Variants in KCNG3 observed in about 807,000 individuals in gnomAD.
The protein encoded by KCNG3 is potassium voltage-gated channel modifier subfamily G member 3.
Under a neutral mutation model 29.0 loss-of-function variants are expected in KCNG3, and 15 were observed. The observed-to-expected ratio is 0.52, with a 90% confidence interval of 0.35 to 0.80. The LOEUF (loss-of-function observed/expected upper bound fraction) is 0.80, where lower values mean the gene tolerates loss of function less well. Ranked by LOEUF, KCNG3 falls within the 30% of genes least tolerant of loss-of-function variation. KCNG3 has a pLI of 0.01. For synonymous variants in KCNG3, 322 were observed against 248.9 expected, an observed-to-expected ratio of 1.29 and a Z score of -2.76; for missense variants, 512 against 605.7, an observed-to-expected ratio of 0.85 and a Z score of 1.62.
the KCNG3 span, among the ~76,000 whole-genome samples, chr2:42,422,840 G>C: frequency 6.6e-6 from 1 of 152,270 alleles, no homozygotes; most frequent in Admixed American, 6.5e-5. Context: ...GCTGAAACCA[G>C]TGAACATCTG....
the KCNG3 span, among the ~76,000 whole-genome samples, chr2:42,432,923 T>A: frequency 4.5e-5 from 6 of 134,288 alleles, no homozygotes; most frequent in East Asian, 1.3e-3. Flanking sequence ...AGAGTCAATA[T>A]GCTTTTATGA....
At chr2:42,457,967 ATAAG>A (rs1044898461) in intron 1 of KCNG3, among the ~76,000 whole-genome samples, 6 of 152,130 alleles carry the variant, frequency 3.9e-5, no homozygotes, top group Non-Finnish European at 7.4e-5. Context: ...CAATATATAA[ATAAG>A]TAAATTTTAA....
At chr2:42,403,477 G>GGTT in the KCNG3 span, among the ~76,000 whole-genome samples, 3 of 87,762 alleles carry the variant, frequency 3.4e-5, no homozygotes, top group African/African-American at 4.6e-5. Flanking sequence ...TTTCTTTTCT[G>GGTT]TTTTTTTTTT....
intron 1 of KCNG3, among the ~76,000 whole-genome samples, chr2:42,491,625 G>A (rs1383750915): frequency 6.6e-6 from 1 of 152,116 alleles, no homozygotes; most frequent in Non-Finnish European, 1.5e-5. Flanking sequence ...TAAACAAAAT[G>A]AGTTTCCTAA....
At chr2:42,390,974 A>G in the KCNG3 span, among the ~76,000 whole-genome samples, 1 of 152,148 alleles carries the variant, frequency 6.6e-6, no homozygotes, top group East Asian at 1.9e-4. Flanking sequence ...CCCCAGAGTC[A>G]CCAACTCTCA....
chr2:42,440,464 T>G (rs1490496015), downstream of KCNG3: 1 of 131,468 alleles, frequency 7.6e-6, no homozygotes, highest in African/African-American at 2.9e-5. Context: ...GTTTTGCATC[T>G]TTTTGTCTGT....
At chr2:42,483,522 C>G (rs1430534355) in intron 1 of KCNG3, among the ~76,000 whole-genome samples, 1 of 152,212 alleles carries the variant, frequency 6.6e-6, no homozygotes, top group Non-Finnish European at 1.5e-5. Flanking sequence ...CAGGGCGCCA[C>G]TGACCCACTG....
chr2:42,459,998 T>C lies in KCNG3; in HGVS notation c.666-15419A>G, dbSNP rs1245936329. Reference sequence around the variant, plus strand: ...CTCAAAAAGAAAAAAAAAAAAGATGTTATCATTGGGGAAACCAGATGAAGG... The same window carrying C: ...CTCAAAAAGAAAAAAAAAAAAGATGCTATCATTGGGGAAACCAGATGAAGG... On this transcript the variant is annotated intron_variant, in intron 1 of 1. Coordinates refer to ENST00000306078, the MANE Select transcript of KCNG3 (RefSeq NM_133329.6). Among the ~76,000 whole-genome samples the C allele has an allele frequency of 2.8e-5, 4 of 143,750 alleles. 1 individual carries two copies. The highest frequency in any genetic ancestry group is 2.8e-4 in the Admixed American group (4 of 14,528). 94.3% of individuals were successfully genotyped at this position (143,750 alleles called of 152,430 possible). A position where few individuals can be genotyped will look rare whatever the true frequency, so the allele number is the denominator to read the frequency against.
chr2:42,442,663 T>C lies in KCNG3; in HGVS notation c.*1271A>G, dbSNP rs1396587638. The C allele has an allele frequency of 6.6e-6, 1 of 152,258 alleles. No individual in the cohort carries two copies. Among genetic ancestry groups the C allele is most frequent in the Non-Finnish European group, 1.5e-5 (1 of 68,038 alleles). 9.4% of individuals were successfully genotyped at this position (152,258 alleles called of 1,614,324 possible). A position where few individuals can be genotyped will look rare whatever the true frequency, so the allele number is the denominator to read the frequency against. On this transcript the variant is annotated 3_prime_UTR_variant, in exon 2 of 2. Coordinates refer to ENST00000306078, the MANE Select transcript of KCNG3 (RefSeq NM_133329.6). ...CTGTCACTAATTATTTGTGTTTATA[T>C]ATACACTAACTTCTTTATGGTAACT...
chr2:42,479,511 T>C (rs1221327114), intron 1 of KCNG3, among the ~76,000 whole-genome samples: 1 of 151,298 alleles, frequency 6.6e-6, no homozygotes, highest in Non-Finnish European at 1.5e-5. Context: ...CTGGGCATGG[T>C]GGTGCATGCT....
chr2:42,450,265 A>G (rs1185522399), intron 1 of KCNG3, among the ~76,000 whole-genome samples: 2 of 152,194 alleles, frequency 1.3e-5, no homozygotes. Flanking sequence ...CTGCTTGCCC[A>G]CACCTTAGGT....
the KCNG3 span, among the ~76,000 whole-genome samples, chr2:42,417,409 C>T: frequency 2.0e-5 from 3 of 152,022 alleles, no homozygotes; most frequent in Admixed American, 2.0e-4. Context: ...GGGCCTTGAC[C>T]TCCCAGGCTC....
intron 1 of KCNG3, among the ~76,000 whole-genome samples, chr2:42,466,398 ACT>A (rs1673141875): frequency 2.0e-5 from 3 of 152,268 alleles, no homozygotes; most frequent in Non-Finnish European, 2.9e-5. Context: ...ACAGAGAGAG[ACT>A]CTGTCTCAAA....
intron 1 of KCNG3, among the ~76,000 whole-genome samples, chr2:42,447,109 G>T (rs186317703): frequency 6.6e-6 from 1 of 151,014 alleles, no homozygotes; most frequent in African/African-American, 2.4e-5. Context: ...TGAGGAAGGG[G>T]AAGGGAAAAG....
At chr2:42,461,182 CAAAA>C (rs34199989) in intron 1 of KCNG3, among the ~76,000 whole-genome samples, 94 of 56,398 alleles carry the variant, frequency 1.7e-3, no homozygotes, top group Admixed American at 3.1e-3. Flanking sequence ...CAAAACAAAA[CAAAA>C]AAAAAAAAAA....
the KCNG3 span, among the ~76,000 whole-genome samples, chr2:42,414,552 T>C: frequency 6.6e-6 from 1 of 151,530 alleles, no homozygotes; most frequent in Non-Finnish European, 1.5e-5. Context: ...TACTTTCTTT[T>C]CTTTTTTTTT....
intron 1 of KCNG3, among the ~76,000 whole-genome samples, chr2:42,479,809 A>G (rs7572642): frequency 0.84 from 127,878 of 152,166 alleles, 54,295 homozygotes; most frequent in African/African-American, 0.96. Context: ...CCAGGAGTTC[A>G]AGACCTGCCT....
chr2:42,394,247 G>T, the KCNG3 span, among the ~76,000 whole-genome samples: 3 of 152,286 alleles, frequency 2.0e-5, no homozygotes, highest in South Asian at 6.2e-4. Context: ...CAAGTGATAA[G>T]GGGCCCAACA....
At chr2:42,448,271 C>G (rs1672654376) in intron 1 of KCNG3, among the ~76,000 whole-genome samples, 1 of 152,148 alleles carries the variant, frequency 6.6e-6, no homozygotes, top group Non-Finnish European at 1.5e-5. Flanking sequence ...ATTCCAGAGC[C>G]TTTGCCTGTA....
Sources: allele counts gnomAD v4.1 joint callset (sites outside exome capture counted in the v4.1 genomes callset), GRCh38; gene constraint gnomAD v4.1.1; transcripts MANE v1.5; gene names NCBI Gene and HGNC (gene_info 2026-07-23, HGNC 2026-07-21).